Variants in PPP4R4 observed in about 807,000 individuals in gnomAD.
PPP4R4 encodes the protein protein phosphatase 4 regulatory subunit 4.
Under a neutral mutation model 121.8 loss-of-function variants are expected in PPP4R4, and 70 were observed. The ratio of observed to expected loss-of-function variants is 0.57; its 90% CI spans 0.47 to 0.70. The LOEUF (loss-of-function observed/expected upper bound fraction) is 0.70, where lower values mean the gene tolerates loss of function less well. Ranked by LOEUF, PPP4R4 falls within the 30% of genes least tolerant of loss-of-function variation. The pLI, the probability that PPP4R4 is intolerant of heterozygous loss-of-function variation, is 0.00. For missense variants in PPP4R4, 875 were observed against 1,033.6 expected (o/e 0.85, Z 2.10); for synonymous variants, 348 against 355.7 (o/e 0.98, Z 0.24).
At chr14:94,264,031 GT>G (rs1356397795) in intron 19 of PPP4R4, among the ~76,000 whole-genome samples, 4 of 152,274 alleles carry the variant, frequency 2.6e-5, no homozygotes, top group East Asian at 1.9e-4. Flanking sequence ...GGCCTCCTGT[GT>G]TTTGGTAACG....
intron 8 of PPP4R4, 23 bp downstream of exon 8, chr14:94,237,709 T>C: frequency 6.2e-7 from 1 of 1,606,970 alleles, no homozygotes; most frequent in Non-Finnish European, 8.5e-7. Flanking sequence ...GCTACATCTT[T>C]GCTTCTGAAA....
At chr14:94,278,478 CAAAGT>C (rs1894760586) in intron 24 of PPP4R4, 136 bp from the exon 25 acceptor site, 1 of 395,168 alleles carries the variant, frequency 2.5e-6, no homozygotes, top group Admixed American at 4.4e-5. Context: ...TAGAATTATT[CAAAGT>C]AGAGTATCTA....
chr14:94,271,668 GAT>G (rs1211785783), intron 23 of PPP4R4, among the ~76,000 whole-genome samples: 1 of 152,134 alleles, frequency 6.6e-6, no homozygotes, highest in Non-Finnish European at 1.5e-5. Context: ...GGAAAGAAAA[GAT>G]ATACTGATTT....
At chr14:94,199,603 T>C (rs1890060045) in intron 2 of PPP4R4, among the ~76,000 whole-genome samples, 1 of 151,996 alleles carries the variant, frequency 6.6e-6, no homozygotes, top group African/African-American at 2.4e-5. Context: ...AAGTGCAAGG[T>C]TGTATTGAGT....
intron 2 of PPP4R4, among the ~76,000 whole-genome samples, chr14:94,197,069 C>T (rs1342071026): frequency 2.0e-5 from 3 of 151,888 alleles, no homozygotes; most frequent in East Asian, 1.9e-4. Flanking sequence ...GTATAGTGTT[C>T]GAATTAGGAT....
At chr14:94,243,837 A>G (rs1051119067) in intron 11 of PPP4R4, among the ~76,000 whole-genome samples, 3 of 152,028 alleles carry the variant, frequency 2.0e-5, no homozygotes, top group African/African-American at 7.2e-5. Flanking sequence ...AACAGTGTCA[A>G]TGCTAGAGTC....
intron 2 of PPP4R4, among the ~76,000 whole-genome samples, chr14:94,181,243 TGA>T (rs1193029279): frequency 4.6e-5 from 7 of 151,940 alleles, no homozygotes; most frequent in Non-Finnish European, 8.8e-5. Flanking sequence ...TGTGTGTGTG[TGA>T]GAGAGAGAAA....
At chr14:94,177,781 C>T (rs558205617) in intron 2 of PPP4R4, among the ~76,000 whole-genome samples, 1 of 152,266 alleles carries the variant, frequency 6.6e-6, no homozygotes, top group South Asian at 2.1e-4. Flanking sequence ...TCTGAGTTGT[C>T]TTTATTTCTC....
chr14:94,207,685 G>GAT (rs963501668), intron 2 of PPP4R4, among the ~76,000 whole-genome samples: 4 of 151,058 alleles, frequency 2.6e-5, no homozygotes, highest in Non-Finnish European at 4.4e-5. Flanking sequence ...GCATCTTTTT[G>GAT]ATATATATAT....
chr14:94,185,564 G>C (rs1889228033), intron 2 of PPP4R4, among the ~76,000 whole-genome samples: 1 of 152,188 alleles, frequency 6.6e-6, no homozygotes, highest in Non-Finnish European at 1.5e-5. Context: ...GGATTGTTGA[G>C]AAGATGAGAG....
chr14:94,245,360 G>A (rs951521022), intron 12 of PPP4R4, among the ~76,000 whole-genome samples: 2 of 152,128 alleles, frequency 1.3e-5, no homozygotes, highest in African/African-American at 4.8e-5. Context: ...TTTGGACAAT[G>A]TCAAGAGGCA....
chr14:94,241,378 A>G (rs951206916), intron 9 of PPP4R4, among the ~76,000 whole-genome samples: 1 of 152,044 alleles, frequency 6.6e-6, no homozygotes, highest in African/African-American at 2.4e-5. Flanking sequence ...TCAATTTTTA[A>G]GCTCCTTCCC....
chr14:94,234,730 T>C (rs1892235294), intron 7 of PPP4R4, 61 bp downstream of exon 7: 2 of 1,196,528 alleles, frequency 1.7e-6, no homozygotes, highest in South Asian at 2.5e-5. Flanking sequence ...AAAGGCTGTA[T>C]TTGATCTTTA....
intron 23 of PPP4R4, among the ~76,000 whole-genome samples, chr14:94,271,620 C>G (rs905367740): frequency 2.0e-5 from 3 of 152,120 alleles, no homozygotes; most frequent in African/African-American, 7.2e-5. Flanking sequence ...ATTCCTCTCA[C>G]CATTCCTTTT....
intron 2 of PPP4R4, among the ~76,000 whole-genome samples, chr14:94,197,829 T>G (rs1889966536): frequency 6.6e-6 from 1 of 152,254 alleles, no homozygotes; most frequent in Non-Finnish European, 1.5e-5. Context: ...ATTTTTTTTG[T>G]ATGGCTTCTT....
At chr14:94,273,993 C>T (rs1894494374) in intron 23 of PPP4R4, among the ~76,000 whole-genome samples, 1 of 152,030 alleles carries the variant, frequency 6.6e-6, no homozygotes. Flanking sequence ...CATCCATCAT[C>T]CCCTCTGACA....
At chr14:94,174,895 CG>C (rs1168684420) in intron 1 of PPP4R4, among the ~76,000 whole-genome samples, 1 of 151,870 alleles carries the variant, frequency 6.6e-6, no homozygotes, top group Non-Finnish European at 1.5e-5. Context: ...CGAATCCCCC[CG>C]GCCCACCCCC....
intron 3 of PPP4R4, among the ~76,000 whole-genome samples, chr14:94,227,999 A>C (rs1340511616): frequency 6.6e-6 from 1 of 152,156 alleles, no homozygotes; most frequent in East Asian, 1.9e-4. Context: ...CTTCTGCTTT[A>C]TACTTTAACA....
chr14:94,187,888 A>G (rs555475221), intron 2 of PPP4R4, among the ~76,000 whole-genome samples: 1 of 152,076 alleles, frequency 6.6e-6, no homozygotes, highest in Admixed American at 6.5e-5. Flanking sequence ...TGCCTTTCTT[A>G]TTTCATCATA....
Sources: gnomAD v4.1 joint callset for allele counts (sites outside exome capture counted in the v4.1 genomes callset) on GRCh38, gnomAD v4.1.1 for gene constraint, MANE v1.5 for transcripts, NCBI Gene and HGNC (gene_info 2026-07-23, HGNC 2026-07-21) for gene names.